PXK: variants seen among roughly 807,000 people sequenced by gnomAD.
The protein encoded by PXK is PX domain-containing protein kinase-like protein.
A neutral mutation model predicts 84.7 loss-of-function variants in PXK; 35 were observed. The ratio of observed to expected loss-of-function variants is 0.41; its 90% CI spans 0.32 to 0.55. PXK has a LOEUF of 0.55. PXK is among the 20% of genes least tolerant of loss of function. The probability of loss-of-function intolerance (pLI) is 0.21; values close to 1 mark genes in which losing one functional copy is unlikely to be tolerated. For synonymous variants in PXK, 253 were observed against 260.8 expected, an observed-to-expected ratio of 0.97 and a Z score of 0.29; for missense variants, 634 against 699.7, an observed-to-expected ratio of 0.91 and a Z score of 1.06.
chr3:58,387,384 A>T (rs1021701421), intron 4 of PXK, among the ~76,000 whole-genome samples: 1 of 152,222 alleles, frequency 6.6e-6, no homozygotes, highest in African/African-American at 2.4e-5. Context: ...TTTATTGAGC[A>T]TCTACTGTGT....
Position 58,391,859 on chromosome 3 carries a change from T to C in PXK, c.615+12T>C. 6.3e-7 allele frequency: 1 copy of C among 1,594,428 alleles called. No individual in the cohort carries two copies. The highest frequency in any genetic ancestry group is 8.6e-7 in the Non-Finnish European group (1 of 1,162,490). On this transcript the variant is annotated intron_variant, in intron 7 of 17. Coordinates refer to ENST00000356151, the MANE Select transcript of PXK (RefSeq NM_017771.5). ...TGCCTTCTTGTTTGGTGAGTATACG[T>C]CTTTCTTTTATTCTCAGTGCTGATG...
At chr3:58,422,543 G>A (rs922343678) in intron 17 of PXK, 32 of 985,282 alleles carry the variant, frequency 3.2e-5, no homozygotes, top group Non-Finnish European at 3.6e-5. Context: ...CTCATTTAAA[G>A]TGACAGTGGA....
chr3:58,420,720 A>C, intron 17 of PXK: 1 of 1,451,066 alleles, frequency 6.9e-7, no homozygotes, highest in Non-Finnish European at 9.0e-7. Flanking sequence ...AATGAAATAC[A>C]GCATCTTTAA....
At chr3:58,371,312 A>T (rs886896893) in intron 3 of PXK, among the ~76,000 whole-genome samples, 1 of 152,248 alleles carries the variant, frequency 6.6e-6, no homozygotes, top group Non-Finnish European at 1.5e-5. Flanking sequence ...AGCTGGGCCT[A>T]TGATGACATT....
At chr3:58,346,655 T>C (rs1221749339) in intron 1 of PXK, among the ~76,000 whole-genome samples, 2 of 151,998 alleles carry the variant, frequency 1.3e-5, no homozygotes, top group African/African-American at 2.4e-5. Flanking sequence ...TTATTTTTCT[T>C]TTTTCTTTTC....
At chr3:58,365,667 T>A (rs2098259696) in intron 1 of PXK, among the ~76,000 whole-genome samples, 1 of 152,244 alleles carries the variant, frequency 6.6e-6, no homozygotes, top group African/African-American at 2.4e-5. Flanking sequence ...AGCTCTGTTG[T>A]TTGATGCATA....
chr3:58,349,619 G>A (rs1284126412), intron 1 of PXK, among the ~76,000 whole-genome samples: 3 of 152,102 alleles, frequency 2.0e-5, no homozygotes, highest in Non-Finnish European at 4.4e-5. Context: ...GCTTCCCAAA[G>A]AGCTGGGATT....
intron 1 of PXK, among the ~76,000 whole-genome samples, chr3:58,343,595 C>A (rs907406650): frequency 6.6e-6 from 1 of 152,234 alleles, no homozygotes; most frequent in Admixed American, 6.5e-5. Flanking sequence ...AGAAGACACA[C>A]CTCTGCTTCT....
At position 58,364,787 on chromosome 3, in the gene PXK, G is replaced by A. The variant is rs1271786276; in HGVS notation, c.103-1087G>A. ...AGTTGTGGTATTTAGTGTTCCTGAGGAAGTGGTCCATTTCATCTAAGTTGT... is the reference window on the plus strand; with the variant it reads ...AGTTGTGGTATTTAGTGTTCCTGAGAAAGTGGTCCATTTCATCTAAGTTGT... On this transcript the variant is annotated intron_variant, in intron 1 of 17. Coordinates refer to ENST00000356151, the MANE Select transcript of PXK (RefSeq NM_017771.5). The surrounding 1 kb of genome is among the most constrained non-coding windows in gnomAD (Gnocchi z 4.3). Among the ~76,000 whole-genome samples the A allele has an allele frequency of 6.6e-6, 1 of 152,130 alleles. No homozygotes were observed. The highest frequency in any genetic ancestry group is 1.5e-5 in the Non-Finnish European group (1 of 68,030).
intron 17 of PXK, among the ~76,000 whole-genome samples, chr3:58,424,033 G>A (rs1008242695): frequency 1.3e-5 from 2 of 152,210 alleles, no homozygotes; most frequent in Non-Finnish European, 2.9e-5. Flanking sequence ...ACAATGGAGA[G>A]AACAGTACTT....
rs147302846 is a variant in PXK at position 58,370,389 on chromosome 3, C to A, written c.201+911C>A. 0.013 allele frequency among the ~76,000 whole-genome samples: 1,909 copies of A among 152,250 alleles called. 21 individuals carry two copies. Among genetic ancestry groups the A allele is most frequent in the Non-Finnish European group, 0.021 (1,451 of 68,002 alleles). ...GCACCTTAGGAAGTCCTGCCAATACCCGCCATGTCTTCACTTGGCAGGCTG... is the reference window on the plus strand; with the variant it reads ...GCACCTTAGGAAGTCCTGCCAATACACGCCATGTCTTCACTTGGCAGGCTG... On this transcript the variant is annotated intron_variant, in intron 3 of 17. Transcript: ENST00000356151. The surrounding 1 kb of genome is among the most constrained non-coding windows in gnomAD (Gnocchi z 4.2).
At chr3:58,410,771 T>C (rs750282598) in intron 16 of PXK, among the ~76,000 whole-genome samples, 15 of 152,182 alleles carry the variant, frequency 9.9e-5, no homozygotes, top group Non-Finnish European at 2.2e-4. Flanking sequence ...TTCTAATTTA[T>C]GAATCTGTGA....
intron 1 of PXK, among the ~76,000 whole-genome samples, chr3:58,342,914 C>T (rs1314436918): frequency 6.6e-6 from 1 of 152,196 alleles, no homozygotes; most frequent in African/African-American, 2.4e-5. Flanking sequence ...GCAAAGGGCT[C>T]TGTGCCGGAG....
chr3:58,413,695 G>C (rs2060546869), intron 17 of PXK: 1 of 152,168 alleles, frequency 6.6e-6, no homozygotes, highest in Admixed American at 6.5e-5. Context: ...ATCTCCTTTT[G>C]CTTCTTAAAT....
rs2098167103 is a variant in PXK, at chr3:58,360,618, G to A, written c.103-5256G>A. ...ATCCCAGGGTGGGCAGATCACTTGAGTCCAGGAGTTTGAGACCAGCCTGGG... is the reference window on the plus strand; with the variant it reads ...ATCCCAGGGTGGGCAGATCACTTGAATCCAGGAGTTTGAGACCAGCCTGGG... On this transcript the variant is annotated intron_variant, in intron 1 of 17. Coordinates refer to ENST00000356151, the MANE Select transcript of PXK (RefSeq NM_017771.5). Among the ~76,000 whole-genome samples, 3 of 152,126 alleles carry A rather than the reference G, an allele frequency of 2.0e-5. No individual in the cohort carries two copies. The South Asian group carries it at 6.2e-4, about 32-fold the overall frequency.
Position 58,391,208 on chromosome 3 carries a change from A to G in PXK, c.528A>G (p.Leu176=), listed in dbSNP as rs749915312. The part of the protein sequence containing the change: ...MKIKNQPKER[L]VLSWADLGPD... ...TTAAAAATCAGCCAAAGGAACGGCT[A>G]GTGTTAAGCTGGGTAAGCTAGCTTT... Residue 176 remains leucine, a synonymous_variant, in exon 6 of 18, where the codon CTA becomes CTG. Transcript: ENST00000356151. The G allele has an allele frequency of 3.1e-6, 5 of 1,613,230 alleles. No homozygotes were observed. The African/African-American group carries it at 5.3e-5, about 17-fold the overall frequency.
At chr3:58,389,416 A>C (rs546215732) in intron 4 of PXK, among the ~76,000 whole-genome samples, 90 of 152,224 alleles carry the variant, frequency 5.9e-4, no homozygotes, top group Non-Finnish European at 1.1e-3. Context: ...TTCTTGGCTT[A>C]GACCAGCTAG....
Position 58,382,579 on chromosome 3 carries a change from A to G in PXK, c.267A>G (p.Ile89Met). 1 of 1,606,876 alleles carries G rather than the reference A, an allele frequency of 6.2e-7. No individual in the cohort carries two copies. Among genetic ancestry groups the G allele is most frequent in the Non-Finnish European group, 8.5e-7 (1 of 1,177,736 alleles). The change falls in exon 4 of 18, where the codon ATA becomes ATG. Residue 89 changes from isoleucine (I) to methionine (M), a missense_variant. Physicochemically the swap from Ile to Met is conservative, Grantham distance 10. Around this residue, in one of 3 missense-constraint regions of PXK, gnomAD observed 353 missense variants for 385.2 expected, o/e 0.92. Transcript: ENST00000356151. ...TTGGTAACATGGATCGTGAATTCAT[A>G]GCTGAAAGGCAGAAAGGTCTTCAGA... is the stretch of plus-strand genomic sequence containing the variant. Reference protein sequence around the residue: ...KLIGNMDREFIAERQKGLQNY... With the variant: ...KLIGNMDREFMAERQKGLQNY...
chr3:58,343,694 T>C (rs1417388461), intron 1 of PXK, among the ~76,000 whole-genome samples: 3 of 152,216 alleles, frequency 2.0e-5, no homozygotes, highest in African/African-American at 7.2e-5. Context: ...CAGACTTTAT[T>C]GTCTATGTAT....
Sources: allele counts gnomAD v4.1 joint callset (sites outside exome capture counted in the v4.1 genomes callset), GRCh38; gene constraint gnomAD v4.1.1; regional missense constraint gnomAD v4.1.1; non-coding constraint Gnocchi (gnomAD v3.1); transcripts MANE v1.5; gene names NCBI Gene and HGNC (gene_info 2026-07-23, HGNC 2026-07-21).